Variants in CD3E observed in about 807,000 individuals in gnomAD.
CD3E encodes T-cell surface glycoprotein CD3 epsilon chain.
In CD3E, 16 loss-of-function variants were observed where a neutral mutation model predicts 34.7. That is an observed-to-expected ratio of 0.46 (90% CI 0.31 to 0.70). The LOEUF is 0.70. Ranked by LOEUF, CD3E falls within the 30% of genes least tolerant of loss-of-function variation. CD3E has a pLI of 0.05. For synonymous variants in CD3E, 70 were observed against 90.8 expected (o/e 0.77, Z 1.30); for missense variants, 223 against 253.9 (o/e 0.88, Z 0.83).
chr11:118,305,034 C>T (rs1485014799), intron 2 of CD3E, 33 bp downstream of exon 2: 2 of 1,599,316 alleles, frequency 1.3e-6, no homozygotes, highest in African/African-American at 2.7e-5. Context: ...GGTGGTGTGT[C>T]TCCAGACCGC....
chr11:118,308,279 C>T (rs1948118439), intron 3 of CD3E, 148 bp from the exon 4 acceptor site: 1 of 718,182 alleles, frequency 1.4e-6, no homozygotes, highest in Non-Finnish European at 2.6e-6. Flanking sequence ...ATGTAAGGCC[C>T]ATAACAGCTT....
chr11:118,310,098 T>G (rs527357272), intron 4 of CD3E, among the ~76,000 whole-genome samples: 87 of 152,416 alleles, frequency 5.7e-4, no homozygotes, highest in African/African-American at 2.0e-3. Flanking sequence ...ATGTATAAAA[T>G]CTTTGTGAGC....
In CD3E at chr11:118,304,796, A is replaced by G. The variant is rs1201234302; in HGVS notation, c.-60+20A>G. On this transcript the variant is annotated intron_variant, in intron 1 of 8. Coordinates refer to ENST00000361763, the MANE Select transcript of CD3E (RefSeq NM_000733.4). ...AAAATGGTGAGTCTCTCTCTTATAA[A>G]GCCCTCCTTTTTCATCCTAGCATTG... is the stretch of plus-strand genomic sequence containing the variant. 6.5e-6 allele frequency: 5 copies of G among 764,724 alleles called. No homozygotes were observed. Among genetic ancestry groups the G allele is most frequent in the East Asian group, 2.5e-5 (1 of 39,934 alleles). The allele number at this position is 764,724 out of a possible 1,614,324, so 47.4% of individuals were successfully genotyped here. A position where few individuals can be genotyped will look rare whatever the true frequency, so the allele number is the denominator to read the frequency against.
Position 118,313,712 on chromosome 11 carries a change from G to C in CD3E, c.358G>C (p.Glu120Gln). The C allele has an allele frequency of 1.2e-6, 2 of 1,614,028 alleles. No individual in the cohort carries two copies. Among genetic ancestry groups the C allele is most frequent in the Non-Finnish European group, 8.5e-7 (1 of 1,179,972 alleles). Residue 120 changes from glutamate to glutamine, a missense_variant, in exon 7 of 9, where the codon GAG (glutamate) becomes CAG (glutamine). Transcript: ENST00000361763. ...CCCCACCCCACCCCCCACAGTGTGT[G>C]AGAACTGCATGGAGATGGATGTGAT... ...FYLYLRARVC[E>Q]NCMEMDVMSV...
At position 118,312,851 on chromosome 11, in the gene CD3E, T is replaced by C; in HGVS notation, c.337T>C (p.Tyr113His). The change falls in exon 6 of 9, where the codon TAC becomes CAC. Residue 113 changes from tyrosine (Y) to histidine (H), a missense_variant. Tyr to His is a moderately conservative substitution (Grantham distance 83). Transcript: ENST00000361763. ...ACCAGAAGATGCGAACTTTTATCTC[T>C]ACCTGAGGGCAAGAGGTAATCCAGG... is the stretch of plus-strand genomic sequence containing the variant. ...SKPEDANFYL[Y>H]LRARVCENCM... 1.2e-6 allele frequency: 2 copies of C among 1,613,974 alleles called. No individual in the cohort carries two copies. The highest frequency in any genetic ancestry group is 1.7e-6 in the Non-Finnish European group (2 of 1,179,834).
At chr11:118,314,001 T>C (rs1319655015) in intron 7 of CD3E, 127 bp downstream of exon 7, 3 of 881,366 alleles carry the variant, frequency 3.4e-6, no homozygotes, top group East Asian at 2.6e-5. Flanking sequence ...ACAGCTTCTA[T>C]TACTGTGATG....
chr11:118,312,701 G>A lies in CD3E; in HGVS notation c.187G>A (p.Asp63Asn). The A allele has an allele frequency of 1.2e-6, 2 of 1,614,152 alleles. No individual in the cohort carries two copies. Among genetic ancestry groups the A allele is most frequent in the Non-Finnish European group, 1.7e-6 (2 of 1,180,006 alleles). ...PGSEILWQHN[D>N]KNIGGDEDDK... ...ATCTGAAATACTATGGCAACACAATGATAAAAACATAGGCGGTGATGAGGA... is the reference window on the plus strand; with the variant it reads ...ATCTGAAATACTATGGCAACACAATAATAAAAACATAGGCGGTGATGAGGA... The change falls in exon 6 of 9, where the codon GAT becomes AAT. Residue 63 changes from aspartate (D) to asparagine (N), a missense_variant. Asp to Asn is a conservative substitution (Grantham distance 23). Coordinates refer to ENST00000361763, the MANE Select transcript of CD3E (RefSeq NM_000733.4).
intron 2 of CD3E, among the ~76,000 whole-genome samples, chr11:118,305,697 GATA>G (rs1302118459): frequency 6.6e-6 from 1 of 152,164 alleles, no homozygotes; most frequent in Non-Finnish European, 1.5e-5. Context: ...TATATAAACT[GATA>G]AGTCCTCTCT....
chr11:118,307,301 G>A lies in CD3E; in HGVS notation c.63G>A (p.Gly21=), dbSNP rs200268620. 6 of 1,606,884 alleles carry A rather than the reference G, an allele frequency of 3.7e-6. No individual in the cohort carries two copies. The highest frequency in any genetic ancestry group is 2.2e-5 in the East Asian group (1 of 44,848). The change falls in exon 3 of 9, where the codon GGG becomes GGA. Residue 21 remains glycine, a synonymous_variant. Coordinates refer to ENST00000361763, the MANE Select transcript of CD3E (RefSeq NM_000733.4). ...GLCLLSVGVW[G]QDGNEEMGGI... ...TTTATTTTCTAGTTGGCGTTTGGGG[G>A]CAAGATGGTGAGATATGCTTTCTTT...
At position 118,304,922 on chromosome 11, in the gene CD3E, C is replaced by T; in HGVS notation, c.-31C>T. 1 of 1,610,842 alleles carries T rather than the reference C, an allele frequency of 6.2e-7. No homozygotes were observed. The highest frequency in any genetic ancestry group is 1.1e-5 in the South Asian group (1 of 91,010). ...TAGTAAGTCTGCTGGCCTCCGCCATCTTAGTAAAGTAACAGTCCCATGAAA... is the reference window on the plus strand; with the variant it reads ...TAGTAAGTCTGCTGGCCTCCGCCATTTTAGTAAAGTAACAGTCCCATGAAA... On this transcript the variant is annotated 5_prime_UTR_variant, in exon 2 of 9. Coordinates refer to ENST00000361763, the MANE Select transcript of CD3E (RefSeq NM_000733.4).
intron 4 of CD3E, among the ~76,000 whole-genome samples, chr11:118,311,404 T>C (rs1948134997): frequency 6.6e-6 from 1 of 152,228 alleles, no homozygotes; most frequent in African/African-American, 2.4e-5. Flanking sequence ...GGTTTATTAG[T>C]TGATTTCAGT....
At position 118,304,994 on chromosome 11, in the gene CD3E, C is replaced by T. The variant is rs765624002; in HGVS notation, c.42C>T (p.Leu14=). The T allele has an allele frequency of 1.1e-5, 18 of 1,613,884 alleles. No individual in the cohort carries two copies. The highest frequency in any genetic ancestry group is 1.4e-5 in the Non-Finnish European group (17 of 1,179,768). Residue 14 remains leucine, a synonymous_variant, in exon 2 of 9, where the codon CTC becomes CTT. Coordinates refer to ENST00000361763, the MANE Select transcript of CD3E (RefSeq NM_000733.4). ...GTHWRVLGLC[L]LSVGVWGQDG... is the part of the protein sequence containing the mutation. Reference sequence around the variant, plus strand: ...ACTGGAGAGTTCTGGGCCTCTGCCTCTTATCAGGTGAGTAGGATGGAGTGG... The same window carrying T: ...ACTGGAGAGTTCTGGGCCTCTGCCTTTTATCAGGTGAGTAGGATGGAGTGG...
intron 2 of CD3E, among the ~76,000 whole-genome samples, chr11:118,305,985 G>A (rs1351585998): frequency 6.6e-6 from 1 of 152,156 alleles, no homozygotes; most frequent in Admixed American, 6.5e-5. Flanking sequence ...ATCACCTGGG[G>A]ATCTTGTTAA....
intron 2 of CD3E, among the ~76,000 whole-genome samples, chr11:118,306,345 A>C (rs1234547141): frequency 1.3e-5 from 2 of 152,058 alleles, no homozygotes; most frequent in African/African-American, 4.8e-5. Context: ...AAAATTAAAA[A>C]TTAGCCAGGC....
intron 4 of CD3E, among the ~76,000 whole-genome samples, chr11:118,310,030 A>G (rs545192023): frequency 1.3e-5 from 2 of 152,390 alleles, no homozygotes; most frequent in Non-Finnish European, 2.9e-5. Flanking sequence ...ATTTTAATGC[A>G]GATTTATATG....
Position 118,315,764 on chromosome 11 carries a change from T to C in CD3E, c.*222T>C, listed in dbSNP as rs201024718. 1 of 621,324 alleles carries C rather than the reference T, an allele frequency of 1.6e-6. No individual in the cohort carries two copies. The highest frequency in any genetic ancestry group is 2.9e-6 in the Non-Finnish European group (1 of 344,634). The allele number at this position is 621,324 out of a possible 1,614,324, so 38.5% of individuals were successfully genotyped here. ...TGCTTCCTCTTCCTTTGAAGCATCA[T>C]CAGTAGTCACACCCTCACAGCTGGC... On this transcript the variant is annotated 3_prime_UTR_variant, in exon 9 of 9. Coordinates refer to ENST00000361763, the MANE Select transcript of CD3E (RefSeq NM_000733.4).
intron 2 of CD3E, among the ~76,000 whole-genome samples, chr11:118,306,275 C>G (rs1380690275): frequency 6.6e-6 from 1 of 152,014 alleles, no homozygotes; most frequent in Non-Finnish European, 1.5e-5. Flanking sequence ...GTGGGAAGAT[C>G]ACTTGAGCTC....
At chr11:118,310,178 T>C (rs1314319778) in intron 4 of CD3E, among the ~76,000 whole-genome samples, 1 of 152,234 alleles carries the variant, frequency 6.6e-6, no homozygotes, top group Admixed American at 6.5e-5. Flanking sequence ...GTTATATAGG[T>C]AAACTTGTGC....
intron 4 of CD3E, among the ~76,000 whole-genome samples, chr11:118,309,663 A>C (rs1432217098): frequency 1.3e-5 from 2 of 152,268 alleles, no homozygotes; most frequent in Non-Finnish European, 2.9e-5. Flanking sequence ...TAAGCATTAA[A>C]GTTTACTGAG....
Sources: gnomAD v4.1 joint callset for allele counts (sites outside exome capture counted in the v4.1 genomes callset) on GRCh38, gnomAD v4.1.1 for gene constraint, MANE v1.5 for transcripts, NCBI Gene and HGNC (gene_info 2026-07-23, HGNC 2026-07-21) for gene names.